The following C12orf42 variants were observed in gnomAD, a reference collection of about 807,000 sequenced individuals.
C12orf42 encodes the protein uncharacterized protein C12orf42.
Under a neutral mutation model 21.6 loss-of-function variants are expected in C12orf42, and 25 were observed. That is an observed-to-expected ratio of 1.16 (90% CI 0.84 to 1.62). C12orf42 has a LOEUF of 1.62. Ranked by LOEUF, C12orf42 falls within the 40% of genes most tolerant of loss-of-function variation. The pLI, the probability that C12orf42 is intolerant of heterozygous loss-of-function variation, is 0.00. For missense variants in C12orf42, 483 were observed against 459.3 expected, an observed-to-expected ratio of 1.05 and a Z score of -0.47; for synonymous variants, 174 against 175.0, an observed-to-expected ratio of 0.99 and a Z score of 0.05.
At chr12:103,522,581 C>G in the C12orf42 span, among the ~76,000 whole-genome samples, 3 of 152,170 alleles carry the variant, frequency 2.0e-5, no homozygotes, top group East Asian at 5.8e-4. Flanking sequence ...CCATAGGGCA[C>G]TCCTCGACCA....
the C12orf42 span, among the ~76,000 whole-genome samples, chr12:103,175,199 C>A: frequency 3.2e-4 from 48 of 152,172 alleles, no homozygotes; most frequent in African/African-American, 1.1e-3. Flanking sequence ...GCATGAGAAT[C>A]TATAACCAGT....
chr12:103,411,029 T>TA (rs1008295715), intron 2 of C12orf42, among the ~76,000 whole-genome samples: 2 of 144,070 alleles, frequency 1.4e-5, no homozygotes, highest in African/African-American at 5.4e-5. Context: ...CCTCCAAATA[T>TA]ACCCCAATAA....
In C12orf42 at chr12:103,302,192, T is replaced by C; in HGVS notation, c.999A>G (p.Ser333=). Residue 333 remains serine, a synonymous_variant, in exon 6 of 6, where the codon TCA becomes TCG. Coordinates refer to ENST00000548883, the MANE Select transcript of C12orf42 (RefSeq NM_198521.5). ...AACGCCGGGTTGGGCGGGGGGGTGC[T>C]GAGGAGCAAACCTTTATTAACCTCT... The part of the protein sequence containing the change: ...PSKRLIKVCS[S]APPRPTRRFH... 1 of 1,612,640 alleles carries C rather than the reference T, an allele frequency of 6.2e-7. No homozygotes were observed. Among genetic ancestry groups the C allele is most frequent in the South Asian group, 1.1e-5 (1 of 90,774 alleles).
chr12:103,436,459 A>T (rs1487261029), intron 2 of C12orf42, among the ~76,000 whole-genome samples: 75 of 152,198 alleles, frequency 4.9e-4, no homozygotes, highest in Non-Finnish European at 5.1e-4. Context: ...AGACTGGCAA[A>T]TTGGATAAAG....
chr12:103,326,380 CA>C (rs141679759), intron 4 of C12orf42, among the ~76,000 whole-genome samples: 5,397 of 152,336 alleles, frequency 0.035, 135 homozygotes, highest in Non-Finnish European at 0.055. Context: ...ATAGAGCCAC[CA>C]GGGGGATCCT....
chr12:103,506,490 G>A, the C12orf42 span, among the ~76,000 whole-genome samples: 9 of 151,626 alleles, frequency 5.9e-5, no homozygotes, highest in Non-Finnish European at 1.2e-4. Flanking sequence ...TTTACTGTAC[G>A]TTTTCTTTGT....
the C12orf42 span, among the ~76,000 whole-genome samples, chr12:103,168,911 C>A: frequency 6.6e-6 from 1 of 151,978 alleles, no homozygotes; most frequent in African/African-American, 2.4e-5. Flanking sequence ...AACACAGGAA[C>A]AGAAAACCAA....
the C12orf42 span, among the ~76,000 whole-genome samples, chr12:103,060,338 A>G: frequency 1.3e-5 from 2 of 152,220 alleles, no homozygotes; most frequent in African/African-American, 2.4e-5. Flanking sequence ...ACAAAAACAA[A>G]TGAAAAAACA....
chr12:103,466,313 T>C (rs962193379), intron 2 of C12orf42, among the ~76,000 whole-genome samples: 1 of 152,114 alleles, frequency 6.6e-6, no homozygotes, highest in African/African-American at 2.4e-5. Flanking sequence ...ATATTCCCTT[T>C]GTCTTCTTAC....
the C12orf42 span, among the ~76,000 whole-genome samples, chr12:103,050,982 C>A: frequency 6.6e-6 from 1 of 152,128 alleles, no homozygotes; most frequent in Non-Finnish European, 1.5e-5. Context: ...TGTGTACATT[C>A]CTAAACGGCC....
the C12orf42 span, among the ~76,000 whole-genome samples, chr12:103,563,229 C>A: frequency 1.3e-5 from 2 of 152,140 alleles, no homozygotes; most frequent in Non-Finnish European, 2.9e-5. Flanking sequence ...GCCTCAAGGT[C>A]AATCTGGTTC....
At chr12:103,138,572 T>C in the C12orf42 span, among the ~76,000 whole-genome samples, 2 of 152,182 alleles carry the variant, frequency 1.3e-5, no homozygotes, top group East Asian at 1.9e-4. Flanking sequence ...TCTCAGGTAG[T>C]TCTTTACAGC....
At chr12:103,353,647 A>C (rs1593570261) in intron 4 of C12orf42, among the ~76,000 whole-genome samples, 2 of 152,122 alleles carry the variant, frequency 1.3e-5, no homozygotes, top group Non-Finnish European at 2.9e-5. Context: ...TTGTATTTGC[A>C]TCATTTCTCC....
At chr12:103,191,721 C>A in the C12orf42 span, among the ~76,000 whole-genome samples, 1 of 135,672 alleles carries the variant, frequency 7.4e-6, no homozygotes, top group Admixed American at 7.9e-5. Context: ...CCAGCTTGTG[C>A]AACAGAGTGG....
chr12:103,466,779 G>A (rs1953171245), intron 2 of C12orf42, among the ~76,000 whole-genome samples: 1 of 152,054 alleles, frequency 6.6e-6, no homozygotes, highest in South Asian at 2.1e-4. Flanking sequence ...TACTTGCTTT[G>A]GCCAATGTGA....
At chr12:103,531,869 T>C in the C12orf42 span, among the ~76,000 whole-genome samples, 5 of 152,226 alleles carry the variant, frequency 3.3e-5, no homozygotes, top group African/African-American at 1.2e-4. Flanking sequence ...ACCTAAACTT[T>C]AAAAACTGCA....
the C12orf42 span, among the ~76,000 whole-genome samples, chr12:103,048,159 G>GT: frequency 6.6e-6 from 1 of 151,810 alleles, no homozygotes. Context: ...AGATGAGGCC[G>GT]TGAGAATGGA....
intron 2 of C12orf42, among the ~76,000 whole-genome samples, chr12:103,419,170 G>A (rs907054474): frequency 3.9e-5 from 6 of 152,088 alleles, no homozygotes; most frequent in East Asian, 1.9e-4. Flanking sequence ...TCAGTGAGAT[G>A]GCAGGCTAAA....
At chr12:103,424,072 A>G (rs1027760831) in intron 2 of C12orf42, among the ~76,000 whole-genome samples, 4 of 152,018 alleles carry the variant, frequency 2.6e-5, no homozygotes, top group African/African-American at 9.7e-5. Flanking sequence ...AATGGAGGAC[A>G]TTGCAACTTA....
Sources: allele counts gnomAD v4.1 joint callset (sites outside exome capture counted in the v4.1 genomes callset), GRCh38; gene constraint gnomAD v4.1.1; transcripts MANE v1.5; gene names NCBI Gene and HGNC (gene_info 2026-07-23, HGNC 2026-07-21).